Variants in BCAS1 observed in about 807,000 individuals in gnomAD.
The protein encoded by BCAS1 is brain enriched myelin associated protein 1, also known as breast carcinoma-amplified sequence 1.
BCAS1 carries 46 observed loss-of-function variants against 65.4 expected under a neutral mutation model. The observed-to-expected ratio is 0.70, with a 90% CI of 0.55 to 0.90. The LOEUF is 0.90. BCAS1 is among the 40% of genes least tolerant of loss of function. The pLI is 0.00. For synonymous variants in BCAS1, 298 were observed against 293.5 expected, an observed-to-expected ratio of 1.02 and a Z score of -0.16; for missense variants, 793 against 771.2, an observed-to-expected ratio of 1.03 and a Z score of -0.33.
chr20:54,042,719 C>T (rs2092022172), intron 3 of BCAS1, among the ~76,000 whole-genome samples: 1 of 152,140 alleles, frequency 6.6e-6, no homozygotes, highest in Non-Finnish European at 1.5e-5. Flanking sequence ...AGAATGTTTG[C>T]TATGTGTATG....
At chr20:54,062,484 A>G (rs1018691749) in intron 1 of BCAS1, among the ~76,000 whole-genome samples, 1 of 152,252 alleles carries the variant, frequency 6.6e-6, no homozygotes, top group Non-Finnish European at 1.5e-5. Flanking sequence ...ATATATACAC[A>G]CAAAGTATCT....
At chr20:54,027,721 T>C (rs555835927) in intron 4 of BCAS1, among the ~76,000 whole-genome samples, 14 of 152,192 alleles carry the variant, frequency 9.2e-5, no homozygotes, top group African/African-American at 3.1e-4. Context: ...AAAAAGAGCT[T>C]GCCTTTCTTC....
At chr20:54,058,030 T>A in intron 3 of BCAS1, 55 bp downstream of exon 3, 2 of 1,295,944 alleles carry the variant, frequency 1.5e-6, no homozygotes, top group Non-Finnish European at 2.2e-6. Context: ...AAACAGCATC[T>A]GCAGACCCCC....
At chr20:54,066,181 T>C (rs2092439220) in intron 1 of BCAS1, among the ~76,000 whole-genome samples, 1 of 151,924 alleles carries the variant, frequency 6.6e-6, no homozygotes, top group African/African-American at 2.4e-5. Flanking sequence ...CACACCATTC[T>C]CCTGCCTCAG....
At position 53,968,143 on chromosome 20, in the gene BCAS1, G is replaced by A. The variant is rs1002615191; in HGVS notation, c.1318-1070C>T. Among the ~76,000 whole-genome samples, 44 of 152,208 alleles carry A rather than the reference G, an allele frequency of 2.9e-4. 1 individual carries two copies. Among genetic ancestry groups the A allele is most frequent in the African/African-American group, 7.5e-4 (31 of 41,432 alleles). ...CACGTAGCTGAGACTATCAGCACAC[G>A]CGACCACGCCTGATGGATTTTACGC... On this transcript the variant is annotated intron_variant, in intron 9 of 12. Transcript: ENST00000688948.
intron 12 of BCAS1, among the ~76,000 whole-genome samples, chr20:53,950,541 C>G (rs913979225): frequency 6.6e-6 from 1 of 152,094 alleles, no homozygotes; most frequent in Non-Finnish European, 1.5e-5. Flanking sequence ...ATCTCCCAGA[C>G]CTACAATTTT....
chr20:53,995,001 C>A lies in BCAS1; in HGVS notation c.927+11G>T, dbSNP rs208381. ...ACCCAAATATATACATACACACTTC[C>A]AACTACCTACCGTGTCTTCTGGGTC... On this transcript the variant is annotated intron_variant, in intron 6 of 12. Coordinates refer to ENST00000688948, the MANE Select transcript of BCAS1 (RefSeq NM_001366298.2). 235,783 of 1,610,572 alleles carry A rather than the reference C, an allele frequency of 0.15. 25,321 individuals carry two copies. Among genetic ancestry groups the A allele is most frequent in the East Asian group, 0.5 (22,496 of 44,764 alleles).
At chr20:53,987,908 C>T (rs1286676200) in intron 7 of BCAS1, among the ~76,000 whole-genome samples, 1 of 152,156 alleles carries the variant, frequency 6.6e-6, no homozygotes, top group East Asian at 1.9e-4. Context: ...AGTATCGGAG[C>T]AAAGAGTGGC....
chr20:53,959,218 A>C (rs1344711432), intron 10 of BCAS1, among the ~76,000 whole-genome samples: 1 of 151,828 alleles, frequency 6.6e-6, no homozygotes, highest in Non-Finnish European at 1.5e-5. Context: ...AGCCTCCCAG[A>C]TAGATAGGAC....
intron 8 of BCAS1, among the ~76,000 whole-genome samples, chr20:53,979,985 C>T (rs563100826): frequency 9.9e-5 from 15 of 152,062 alleles, no homozygotes; most frequent in Admixed American, 2.0e-4. Context: ...ATGTTTGCTA[C>T]GGAACCCCTT....
At chr20:54,033,393 G>C (rs1173067631) in intron 3 of BCAS1, among the ~76,000 whole-genome samples, 1 of 149,888 alleles carries the variant, frequency 6.7e-6, no homozygotes, top group African/African-American at 2.4e-5. Context: ...TAATAAAATA[G>C]ACCATTAGCT....
Position 53,992,519 on chromosome 20 carries a change from C to T in BCAS1, c.1055G>A (p.Arg352Lys), listed in dbSNP as rs1357414654. 7.3e-7 allele frequency: 1 copy of T among 1,365,616 alleles called. No individual in the cohort carries two copies. Among genetic ancestry groups the T allele is most frequent in the South Asian group, 1.1e-5 (1 of 87,970 alleles). 84.6% of individuals were successfully genotyped at this position (1,365,616 alleles called of 1,614,324 possible). The change falls in exon 7 of 13, where the codon AGG (arginine) becomes AAG (lysine). Residue 352 changes from arginine (R) to lysine (K), a missense_variant. Arg to Lys is a conservative substitution (Grantham distance 26, BLOSUM62 2). Transcript: ENST00000688948. Reference protein sequence around the residue: ...RLGLAFRKFFRHKGAEKSPTT... With the variant: ...RLGLAFRKFFKHKGAEKSPTT... ...CTTTAATAAGATACAGACCTTATGC[C>T]TAAAGAATTTTCTAAAGGCGAGTCC...
intron 4 of BCAS1, among the ~76,000 whole-genome samples, chr20:54,020,464 A>T (rs1379082511): frequency 6.6e-6 from 1 of 152,228 alleles, no homozygotes; most frequent in Non-Finnish European, 1.5e-5. Context: ...AATCGTATAC[A>T]CCACATATTT....
intron 4 of BCAS1, among the ~76,000 whole-genome samples, chr20:54,021,867 C>T (rs2091566421): frequency 6.6e-6 from 1 of 151,960 alleles, no homozygotes; most frequent in Non-Finnish European, 1.5e-5. Context: ...GCACGTCACC[C>T]GGGCTCCTGC....
Position 54,032,799 on chromosome 20 carries a change from A to T in BCAS1, c.143-3827T>A, listed in dbSNP as rs138211307. Among the ~76,000 whole-genome samples, 395 of 151,462 alleles carry T rather than the reference A, an allele frequency of 2.6e-3. 8 individuals are homozygous for T. The highest frequency in any genetic ancestry group is 9.3e-3 in the African/African-American group (387 of 41,458). ...ACTATCCTAAGTATATATGCACCAA[A>T]CACAGGAACACCCAGATTCATAAAG... On this transcript the variant is annotated intron_variant, in intron 3 of 12. Coordinates refer to ENST00000688948, the MANE Select transcript of BCAS1 (RefSeq NM_001366298.2).
At chr20:53,978,878 T>A (rs538557614) in intron 8 of BCAS1, among the ~76,000 whole-genome samples, 108 of 152,322 alleles carry the variant, frequency 7.1e-4, no homozygotes, top group Admixed American at 2.2e-3. Flanking sequence ...AGCTATGCAA[T>A]CTTGAGCAAA....
At chr20:54,052,343 G>T (rs1177401846) in intron 3 of BCAS1, among the ~76,000 whole-genome samples, 1 of 152,022 alleles carries the variant, frequency 6.6e-6, no homozygotes, top group Non-Finnish European at 1.5e-5. Context: ...TTATATAAGT[G>T]GAATCATGTA....
chr20:53,961,538 A>C (rs1307159422), intron 10 of BCAS1, among the ~76,000 whole-genome samples: 1 of 152,226 alleles, frequency 6.6e-6, no homozygotes, highest in Non-Finnish European at 1.5e-5. Flanking sequence ...ACCTATGTGC[A>C]AGCTTTAAGT....
chr20:54,067,325 G>A (rs1354740938), intron 1 of BCAS1, among the ~76,000 whole-genome samples: 1 of 151,710 alleles, frequency 6.6e-6, no homozygotes, highest in East Asian at 1.9e-4. Flanking sequence ...GCAGTGAGCC[G>A]AGATCACACC....
Sources: gnomAD v4.1 joint callset for allele counts (sites outside exome capture counted in the v4.1 genomes callset) on GRCh38, gnomAD v4.1.1 for gene constraint, MANE v1.5 for transcripts, NCBI Gene and HGNC (gene_info 2026-07-23, HGNC 2026-07-21) for gene names.